ASAP2: variants seen among roughly 807,000 people sequenced by gnomAD.
ASAP2 encodes ArfGAP with SH3 domain, ankyrin repeat and PH domain 2, also known as arf-GAP with SH3 domain, ANK repeat and PH domain-containing protein 2.
In ASAP2, 45 loss-of-function variants were observed where a neutral mutation model predicts 131.4. The ratio of observed to expected loss-of-function variants is 0.34; its 90% CI spans 0.27 to 0.44. The LOEUF (loss-of-function observed/expected upper bound fraction) is 0.44, where lower values mean the gene tolerates loss of function less well. Ranked by LOEUF, ASAP2 falls within the 20% of genes least tolerant of loss-of-function variation. The pLI is 1.00. For synonymous variants in ASAP2, 510 were observed against 503.0 expected (o/e 1.01, Z -0.19); for missense variants, 1,011 against 1,297.0 (o/e 0.78, Z 3.39).
At chr2:9,338,441 G>T (rs1671366019) in intron 9 of ASAP2, among the ~76,000 whole-genome samples, 1 of 152,062 alleles carries the variant, frequency 6.6e-6, no homozygotes, top group Non-Finnish European at 1.5e-5. Context: ...AGGCAGCCAA[G>T]GTCCACCACA....
Position 9,358,775 on chromosome 2 carries a change from C to G in ASAP2, c.1347C>G (p.Thr449=), listed in dbSNP as rs1672884127. 6 of 1,613,098 alleles carry G rather than the reference C, an allele frequency of 3.7e-6. No individual in the cohort carries two copies. Among genetic ancestry groups the G allele is most frequent in the Non-Finnish European group, 5.1e-6 (6 of 1,179,782 alleles). ...TGGCAGATCCTACATGGCTTTCCAC[C>G]AACCTGGGCATCCTGACCTGCATCG... ...CGAPDPTWLS[T]NLGILTCIEC... is the part of the protein sequence containing the mutation. Residue 449 remains threonine, a synonymous_variant, in exon 15 of 28, where the codon ACC becomes ACG. Coordinates refer to ENST00000281419, the MANE Select transcript of ASAP2 (RefSeq NM_003887.3).
At chr2:9,213,157 A>G (rs573294539) in intron 1 of ASAP2, among the ~76,000 whole-genome samples, 71 of 152,242 alleles carry the variant, frequency 4.7e-4, no homozygotes, top group Non-Finnish European at 8.4e-4. Flanking sequence ...AGATCAGGAA[A>G]CCGAAATCAG....
intron 1 of ASAP2, among the ~76,000 whole-genome samples, chr2:9,257,466 T>C (rs572183219): frequency 1.3e-5 from 2 of 152,340 alleles, no homozygotes; most frequent in East Asian, 1.9e-4. Flanking sequence ...AACAAACTAA[T>C]GAACCAGTAC....
rs563571444 is a variant in ASAP2, at chr2:9,295,730, A to G, written c.200-1570A>G. On this transcript the variant is annotated intron_variant, in intron 2 of 27. Coordinates refer to ENST00000281419, the MANE Select transcript of ASAP2 (RefSeq NM_003887.3). The stretch of plus-strand genomic sequence containing the variant: ...TCTCAGAAATTCATTTAATTTATCT[A>G]GAACTCTCAGGCTCTTTACTGGAAT... 1.3e-4 allele frequency among the ~76,000 whole-genome samples: 20 copies of G among 152,358 alleles called. No individual in the cohort carries two copies. In the South Asian group the frequency reaches 2.9e-3, roughly 22 times the overall value.
intron 12 of ASAP2, among the ~76,000 whole-genome samples, chr2:9,352,238 CACACACACAA>C (rs1160534768): frequency 6.1e-5 from 9 of 147,774 alleles, no homozygotes; most frequent in African/African-American, 2.2e-4. Flanking sequence ...CACACACACA[CACACACACAA>C]ACACACACAC....
intron 24 of ASAP2, among the ~76,000 whole-genome samples, chr2:9,397,750 ATTTTTT>A (rs1172660637): frequency 6.7e-5 from 3 of 44,806 alleles, no homozygotes; most frequent in South Asian, 1.6e-3. Context: ...ATATATATAT[ATTTTTT>A]TTTTTTTTTT....
intron 3 of ASAP2, among the ~76,000 whole-genome samples, chr2:9,318,254 T>G (rs1669931781): frequency 6.6e-6 from 1 of 152,248 alleles, no homozygotes; most frequent in African/African-American, 2.4e-5. Context: ...TTCACTGCAA[T>G]GATTGTCTCT....
rs1246859441 is a variant in ASAP2, at chr2:9,232,660, G to A, written c.126+25430G>A. 1.4e-4 allele frequency among the ~76,000 whole-genome samples: 21 copies of A among 152,112 alleles called. No individual in the cohort carries two copies. The highest frequency in any genetic ancestry group is 1.4e-3 in the Admixed American group (21 of 15,274). On this transcript the variant is annotated intron_variant, in intron 1 of 27. Coordinates refer to ENST00000281419, the MANE Select transcript of ASAP2 (RefSeq NM_003887.3). The surrounding 1 kb of genome is among the most constrained non-coding windows in gnomAD (Gnocchi z 4.1). The stretch of plus-strand genomic sequence containing the variant: ...CATCCTCAGCACCCAGAATTGCACT[G>A]GACACATCATATATGTTTAATATGT...
intron 11 of ASAP2, chr2:9,350,595 C>G: frequency 2.1e-6 from 1 of 469,870 alleles, no homozygotes; most frequent in South Asian, 4.4e-5. Context: ...ACCAAGGTGC[C>G]CTTGCAGGGA....
Position 9,395,594 on chromosome 2 carries a change from C to CTTTTTTTTTTTTTTTTTTTTTT in ASAP2, c.2684+1957_2684+1978dup. Among the ~76,000 whole-genome samples, 5 of 59,056 alleles carry CTTTTTTTTTTTTTTTTTTTTTT rather than the reference C, an allele frequency of 8.5e-5. 1 individual carries two copies. Among genetic ancestry groups the CTTTTTTTTTTTTTTTTTTTTTT allele is most frequent in the Admixed American group, 2.3e-4 (1 of 4,360 alleles). The allele number at this position is 59,056 out of a possible 152,430, so 38.7% of individuals were successfully genotyped here. A position where few individuals can be genotyped will look rare whatever the true frequency, so the allele number is the denominator to read the frequency against. ...GTTTTGTTTTTCTTGTGTTTTTTTT[C>CTTTTTTTTTTTTTTTTTTTTTT]TTTTTTTTTTTTTTTTTTTTTTTTT... On this transcript the variant is annotated intron_variant, in intron 24 of 27. Coordinates refer to ENST00000281419, the MANE Select transcript of ASAP2 (RefSeq NM_003887.3).
chr2:9,320,665 G>A (rs757706650), intron 5 of ASAP2, among the ~76,000 whole-genome samples: 10 of 152,262 alleles, frequency 6.6e-5, no homozygotes, highest in South Asian at 2.1e-4. Context: ...TGTCCATTCC[G>A]TTACTGTTTT....
intron 1 of ASAP2, among the ~76,000 whole-genome samples, chr2:9,261,036 G>A (rs1665543527): frequency 1.3e-5 from 2 of 152,128 alleles, no homozygotes; most frequent in African/African-American, 4.8e-5. Context: ...CCGTATGACA[G>A]CCCCTTGGGG....
intron 7 of ASAP2, among the ~76,000 whole-genome samples, 183 bp downstream of exon 7, chr2:9,328,094 A>G (rs1670593924): frequency 6.6e-6 from 1 of 152,232 alleles, no homozygotes; most frequent in African/African-American, 2.4e-5. Flanking sequence ...GAAGCCAGAC[A>G]CAAGAGGCCA....
At chr2:9,208,040 T>TG (rs1321463771) in intron 1 of ASAP2, among the ~76,000 whole-genome samples, 7 of 152,106 alleles carry the variant, frequency 4.6e-5, no homozygotes, top group African/African-American at 1.7e-4. Flanking sequence ...ATTAAAGCCG[T>TG]GGGGAAAGGG....
chr2:9,238,738 C>T (rs1361701102), intron 1 of ASAP2, among the ~76,000 whole-genome samples: 1 of 152,074 alleles, frequency 6.6e-6, no homozygotes, highest in Non-Finnish European at 1.5e-5. Context: ...TAAGAGTACA[C>T]TTTGATGAAT....
At chr2:9,323,905 G>C (rs1670320417) in intron 6 of ASAP2, among the ~76,000 whole-genome samples, 1 of 152,200 alleles carries the variant, frequency 6.6e-6, no homozygotes, top group Non-Finnish European at 1.5e-5. Flanking sequence ...TTTGCTCACA[G>C]ATTTTTTATT....
intron 1 of ASAP2, among the ~76,000 whole-genome samples, chr2:9,263,422 G>C (rs1205829337): frequency 2.6e-5 from 4 of 152,216 alleles, no homozygotes; most frequent in Non-Finnish European, 5.9e-5. Flanking sequence ...GTGCAGTGGT[G>C]ATCTTGCCAA....
chr2:9,220,498 A>G (rs774921198), intron 1 of ASAP2, among the ~76,000 whole-genome samples: 5 of 152,202 alleles, frequency 3.3e-5, no homozygotes, highest in Non-Finnish European at 7.3e-5. Flanking sequence ...TTATATGCCC[A>G]TGGCTGTGTG....
intron 3 of ASAP2, among the ~76,000 whole-genome samples, chr2:9,300,347 C>G (rs1222977528): frequency 6.6e-6 from 1 of 152,252 alleles, no homozygotes; most frequent in East Asian, 1.9e-4. Flanking sequence ...TAACTTGTCT[C>G]AGTTAACAAA....
Sources: allele counts gnomAD v4.1 joint callset (sites outside exome capture counted in the v4.1 genomes callset), GRCh38; gene constraint gnomAD v4.1.1; non-coding constraint Gnocchi (gnomAD v3.1); transcripts MANE v1.5; gene names NCBI Gene and HGNC (gene_info 2026-07-23, HGNC 2026-07-21).